Variants in ANO6 observed in about 807,000 individuals in gnomAD.
ANO6 encodes anoctamin-6.
A neutral mutation model predicts 117.5 loss-of-function variants in ANO6; 106 were observed. That is an observed-to-expected ratio of 0.90 (90% confidence interval 0.77 to 1.06). ANO6 has a LOEUF of 1.06. ANO6 is among the 50% of genes least tolerant of loss of function. ANO6 has a pLI of 0.00. For synonymous variants in ANO6, 367 were observed against 385.1 expected (o/e 0.95, Z 0.55); for missense variants, 955 against 1,121.1 (o/e 0.85, Z 2.12).
chr12:45,383,908 G>A (rs1338578120), intron 10 of ANO6, among the ~76,000 whole-genome samples: 1 of 152,194 alleles, frequency 6.6e-6, no homozygotes, highest in Non-Finnish European at 1.5e-5. Context: ...GAGTGAGCCT[G>A]TCCTTAGAAG....
chr12:45,270,440 T>C, intron 1 of ANO6: 1 of 1,523,682 alleles, frequency 6.6e-7, no homozygotes. Context: ...GTTGTATTTA[T>C]TGATGCCTCC....
chr12:45,320,330 G>A lies in ANO6; in HGVS notation c.151-10965G>A, dbSNP rs561921686. Among the ~76,000 whole-genome samples, 1,237 of 151,876 alleles carry A rather than the reference G, an allele frequency of 8.1e-3. 4 individuals are homozygous for A. Among genetic ancestry groups the A allele is most frequent in the Non-Finnish European group, 0.013 (879 of 67,930 alleles). Reference sequence around the variant, plus strand: ...TCTGGTATGTTGTGTCTTTTTTCTCGTTGGTTTCAAAGAACATCTTTATTT... The same window carrying A: ...TCTGGTATGTTGTGTCTTTTTTCTCATTGGTTTCAAAGAACATCTTTATTT... On this transcript the variant is annotated intron_variant, in intron 2 of 19. Transcript: ENST00000320560.
At chr12:45,347,539 T>C (rs541207148) in intron 4 of ANO6, 1 of 181,408 alleles carries the variant, frequency 5.5e-6, no homozygotes, top group Non-Finnish European at 1.2e-5. Context: ...CACAGTTTTA[T>C]AATTTGCTTT....
intron 3 of ANO6, among the ~76,000 whole-genome samples, chr12:45,341,671 G>A (rs1255347266): frequency 1.3e-5 from 2 of 152,114 alleles, no homozygotes; most frequent in African/African-American, 4.8e-5. Context: ...AGAGTCAAGG[G>A]GGAGTCTAGG....
At chr12:45,286,216 A>G (rs1032703415) in intron 1 of ANO6, among the ~76,000 whole-genome samples, 5 of 152,126 alleles carry the variant, frequency 3.3e-5, no homozygotes, top group African/African-American at 1.2e-4. Flanking sequence ...CCTAGGCTGG[A>G]CTTGCACTCC....
At chr12:45,292,155 A>G (rs1351085981) in intron 1 of ANO6, among the ~76,000 whole-genome samples, 2 of 152,242 alleles carry the variant, frequency 1.3e-5, no homozygotes, top group African/African-American at 2.4e-5. Context: ...GTTCTGATAT[A>G]TGCTACAACT....
chr12:45,348,362 C>A (rs757841062), intron 5 of ANO6, 47 bp downstream of exon 5: 1 of 1,611,948 alleles, frequency 6.2e-7, no homozygotes, highest in Non-Finnish European at 8.5e-7. Flanking sequence ...AATTTGGAAC[C>A]TGCTGTTTTG....
intron 2 of ANO6, among the ~76,000 whole-genome samples, chr12:45,321,535 A>C (rs147315507): frequency 6.6e-6 from 1 of 152,334 alleles, no homozygotes; most frequent in South Asian, 2.1e-4. Context: ...GAAGCTGTCA[A>C]ATTCACAGTG....
intron 1 of ANO6, among the ~76,000 whole-genome samples, chr12:45,236,678 G>T (rs1035978502): frequency 6.6e-6 from 1 of 152,172 alleles, no homozygotes; most frequent in African/African-American, 2.4e-5. Flanking sequence ...GAATAGTGCT[G>T]CAATAAACAT....
Position 45,350,758 on chromosome 12 carries a change from C to G in ANO6, c.847C>G (p.Pro283Ala), listed in dbSNP as rs766899556. ...TCCTCGAAGCATATACAAAAAGCAGCCCTTGGATCTTATCAGGTGAGGGGT... is the reference window on the plus strand; with the variant it reads ...TCCTCGAAGCATATACAAAAAGCAGGCCTTGGATCTTATCAGGTGAGGGGT... ...AHPRSIYKKQPLDLIRKYYGE... is the reference protein window; with the variant it reads ...AHPRSIYKKQALDLIRKYYGE... Residue 283 changes from proline (P) to alanine (A), a missense_variant, in exon 7 of 20, where the codon CCC becomes GCC. Coordinates refer to ENST00000320560, the MANE Select transcript of ANO6 (RefSeq NM_001025356.3). The G allele has an allele frequency of 6.2e-7, 1 of 1,613,442 alleles. No individual in the cohort carries two copies. Among genetic ancestry groups the G allele is most frequent in the East Asian group, 2.2e-5 (1 of 44,864 alleles).
intron 1 of ANO6, among the ~76,000 whole-genome samples, chr12:45,288,919 TG>T (rs1419737144): frequency 6.6e-6 from 1 of 151,794 alleles, no homozygotes; most frequent in African/African-American, 2.4e-5. Context: ...GGCTAATTTT[TG>T]TATTTTTTTT....
At chr12:45,247,897 C>T (rs755231008) in intron 1 of ANO6, among the ~76,000 whole-genome samples, 3 of 152,174 alleles carry the variant, frequency 2.0e-5, no homozygotes, top group African/African-American at 4.8e-5. Context: ...TGGAAGGACA[C>T]AGTTCAGTTC....
intron 10 of ANO6, among the ~76,000 whole-genome samples, chr12:45,383,852 G>A (rs575090421): frequency 5.3e-5 from 8 of 152,304 alleles, no homozygotes; most frequent in East Asian, 3.9e-4. Context: ...ATCTAAGAGC[G>A]TTGGCTTCAA....
At chr12:45,360,391 T>C (rs1354870684) in intron 8 of ANO6, among the ~76,000 whole-genome samples, 2 of 152,198 alleles carry the variant, frequency 1.3e-5, no homozygotes, top group East Asian at 3.8e-4. Flanking sequence ...CCTCATCAAC[T>C]CCTTTTATAA....
intron 9 of ANO6, among the ~76,000 whole-genome samples, chr12:45,370,607 A>G (rs1264113828): frequency 6.6e-6 from 1 of 152,246 alleles, no homozygotes. Flanking sequence ...ATCTTCAATA[A>G]TAGTATTACA....
At chr12:45,382,823 C>A (rs1235149726) in intron 10 of ANO6, among the ~76,000 whole-genome samples, 1 of 152,100 alleles carries the variant, frequency 6.6e-6, no homozygotes, top group Non-Finnish European at 1.5e-5. Context: ...ATCATCTGAG[C>A]CTTTAGAGAG....
chr12:45,407,915 T>A (rs1375327596), intron 15 of ANO6, among the ~76,000 whole-genome samples: 1 of 152,190 alleles, frequency 6.6e-6, no homozygotes, highest in Non-Finnish European at 1.5e-5. Context: ...CCATCCACTT[T>A]CCACAGCCTC....
chr12:45,279,333 A>G (rs1280735207), intron 1 of ANO6, among the ~76,000 whole-genome samples: 1 of 152,184 alleles, frequency 6.6e-6, no homozygotes, highest in Non-Finnish European at 1.5e-5. Flanking sequence ...GCTTTCTCCA[A>G]TTGGCTAAGT....
chr12:45,249,388 T>C (rs112080808), intron 1 of ANO6, among the ~76,000 whole-genome samples: 1,662 of 152,370 alleles, frequency 0.011, 30 homozygotes, highest in African/African-American at 0.036. Flanking sequence ...ATTTATTCTT[T>C]AGATTTCTGC....
Sources: allele counts gnomAD v4.1 joint callset (sites outside exome capture counted in the v4.1 genomes callset), GRCh38; gene constraint gnomAD v4.1.1; transcripts MANE v1.5; gene names NCBI Gene and HGNC (gene_info 2026-07-23, HGNC 2026-07-21).